Variants in CASZ1 observed in about 807,000 individuals in gnomAD.
CASZ1 encodes the protein castor zinc finger 1, also known as zinc finger protein castor homolog 1.
In CASZ1, 28 loss-of-function variants were observed where a neutral mutation model predicts 135.2. The ratio of observed to expected loss-of-function variants is 0.21; its 90% CI spans 0.15 to 0.28. The LOEUF is 0.28. Among genes scored for constraint, CASZ1 ranks in the 10% least tolerant of loss-of-function variants. The pLI is 1.00. For missense variants in CASZ1, 2,161 were observed against 2,453.3 expected (o/e 0.88, Z 2.52); for synonymous variants, 1,068 against 1,073.4 (o/e 0.99, Z 0.10).
chr1:10,722,264 C>G (rs963520922), intron 2 of CASZ1, among the ~76,000 whole-genome samples: 3 of 152,188 alleles, frequency 2.0e-5, no homozygotes, highest in Non-Finnish European at 4.4e-5. Context: ...GACGGGCACC[C>G]CATTCTCAAA....
Position 10,675,489 on chromosome 1 carries a change from G to C in CASZ1, c.17-9918C>G, listed in dbSNP as rs547469717. Among the ~76,000 whole-genome samples the C allele has an allele frequency of 8.5e-3, 1,291 of 152,252 alleles. 7 individuals carry two copies. The highest frequency in any genetic ancestry group is 0.014 in the Non-Finnish European group (918 of 67,998). ...AGGCCTGGGTGGGGAGGCTTCAAGAGGGGTGAGGCCAGTGCCCAGCTCAGC... is the reference window on the plus strand; with the variant it reads ...AGGCCTGGGTGGGGAGGCTTCAAGACGGGTGAGGCCAGTGCCCAGCTCAGC... On this transcript the variant is annotated intron_variant, in intron 4 of 20. Transcript: ENST00000377022.
chr1:10,688,812 C>T (rs941320008), intron 4 of CASZ1, among the ~76,000 whole-genome samples: 5 of 151,984 alleles, frequency 3.3e-5, no homozygotes, highest in African/African-American at 7.3e-5. Flanking sequence ...GTGGTCCCGG[C>T]GAGGCTGCCC....
At chr1:10,793,841 G>T (rs928304013) in intron 1 of CASZ1, among the ~76,000 whole-genome samples, 8 of 152,148 alleles carry the variant, frequency 5.3e-5, no homozygotes, top group African/African-American at 1.9e-4. Context: ...GAGCTCCCGC[G>T]AGGGGCACAC....
Position 10,647,949 on chromosome 1 carries a change from G to A in CASZ1, c.3349C>T (p.Leu1117Phe). 6.2e-7 allele frequency: 1 copy of A among 1,612,604 alleles called. No homozygotes were observed. The highest frequency in any genetic ancestry group is 8.5e-7 in the Non-Finnish European group (1 of 1,179,300). Residue 1117 changes from leucine (L) to phenylalanine (F), a missense_variant, in exon 16 of 21, where the codon CTC becomes TTC. Physicochemically the swap from Leu to Phe is conservative, Grantham distance 22. This residue lies in a region of CASZ1 where 349 missense variants were observed against 460.8 expected (regional missense o/e 0.76). Coordinates refer to ENST00000377022, the MANE Select transcript of CASZ1 (RefSeq NM_001079843.3). The surrounding 1 kb of genome is among the most constrained non-coding windows in gnomAD (Gnocchi z 4.9). ...GTGGAAGCCAGCTGCTTCCAGGCGA[G>A]CAGGGTGGGGGTGGAGGGCACGGAG... ...PASVPSTPTL[L>F]AWKQLASTIP...
intron 1 of CASZ1, among the ~76,000 whole-genome samples, chr1:10,783,036 G>C (rs1640789879): frequency 6.6e-6 from 1 of 152,166 alleles, no homozygotes; most frequent in African/African-American, 2.4e-5. Context: ...GGGGAAAGGA[G>C]CCGGCACAAT....
At position 10,665,567 on chromosome 1, in the gene CASZ1, C is replaced by A; in HGVS notation, c.21G>T (p.Glu7Asp). MDLGTAEGTRCTDPPAG... is the reference protein window; with the variant it reads MDLGTADGTRCTDPPAG... ...CAGGCGGGTCCGTGCACCGGGTGCC[C>A]TCAGCTGCAGGGATGGAGGAGAGCA... Residue 7 changes from glutamate (E) to aspartate (D), a missense_variant, in exon 5 of 21, where the codon GAG becomes GAT. Transcript: ENST00000377022. The A allele has an allele frequency of 6.4e-7, 1 of 1,558,000 alleles. No homozygotes were observed. The highest frequency in any genetic ancestry group is 8.6e-7 in the Non-Finnish European group (1 of 1,157,858).
intron 3 of CASZ1, among the ~76,000 whole-genome samples, chr1:10,703,262 C>T (rs984614860): frequency 1.3e-5 from 2 of 152,080 alleles, no homozygotes; most frequent in Non-Finnish European, 2.9e-5. Flanking sequence ...CCCACCTTGG[C>T]CCACAGCAGT....
chr1:10,694,699 C>G lies in CASZ1; in HGVS notation c.-23-787G>C, dbSNP rs866282002. ...GCTCGCTCGCGCCCCCGCCGCGCGC[C>G]CCCGCCGCGCGCGCCCGCGCCGCAC... On this transcript the variant is annotated intron_variant, in intron 3 of 20. Coordinates refer to ENST00000377022, the MANE Select transcript of CASZ1 (RefSeq NM_001079843.3). This position sits in a 1 kb window ranked among gnomAD's most constrained non-coding sequence, Gnocchi z 6.6. Among the ~76,000 whole-genome samples the G allele has an allele frequency of 4.2e-4, 59 of 140,644 alleles. No individual in the cohort carries two copies. The highest frequency in any genetic ancestry group is 6.1e-4 in the African/African-American group (24 of 39,202). 92.3% of individuals were successfully genotyped at this position (140,644 alleles called of 152,430 possible).
At position 10,650,794 on chromosome 1, in the gene CASZ1, C is replaced by T. The variant is rs767535083; in HGVS notation, c.2817-39G>A. ...ACCAAGGGACTTGAGCTCAGACGGC[C>T]GGGGCCTGGGCCCTGGGGCTCACCT... On this transcript the variant is annotated intron_variant, in intron 12 of 20. Transcript: ENST00000377022. The T allele has an allele frequency of 3.1e-5, 50 of 1,609,280 alleles. No homozygotes were observed. In the Admixed American group the frequency reaches 5.5e-4, roughly 18 times the overall value.
chr1:10,682,240 C>A (rs1398389367), intron 4 of CASZ1, among the ~76,000 whole-genome samples: 3 of 151,996 alleles, frequency 2.0e-5, no homozygotes, highest in African/African-American at 4.8e-5. Context: ...AGATCAGGAC[C>A]CAAAAACAGG....
At position 10,725,183 on chromosome 1, in the gene CASZ1, C is replaced by T. The variant is rs988572195; in HGVS notation, c.-76-19639G>A. ...TGGATACGGCGAGAACGTGTTAAGA[C>T]CAAGGAGTGACCATGTCACTGCCCA... On this transcript the variant is annotated intron_variant, in intron 2 of 20. Coordinates refer to ENST00000377022, the MANE Select transcript of CASZ1 (RefSeq NM_001079843.3). The surrounding 1 kb of genome is among the most constrained non-coding windows in gnomAD (Gnocchi z 4.4). Among the ~76,000 whole-genome samples, 2 of 152,162 alleles carry T rather than the reference C, an allele frequency of 1.3e-5. No homozygotes were observed. The highest frequency in any genetic ancestry group is 1.9e-4 in the East Asian group (1 of 5,182).
At chr1:10,668,213 C>T (rs968347527) in intron 4 of CASZ1, among the ~76,000 whole-genome samples, 8 of 152,158 alleles carry the variant, frequency 5.3e-5, no homozygotes, top group Non-Finnish European at 1.0e-4. Flanking sequence ...CGCCGCCTTC[C>T]GGCCCAGGGC....
At chr1:10,667,459 C>T (rs908712718) in intron 4 of CASZ1, among the ~76,000 whole-genome samples, 4 of 152,206 alleles carry the variant, frequency 2.6e-5, no homozygotes, top group African/African-American at 9.6e-5. Context: ...GTCTGTGCCA[C>T]CCACACCCAA....
chr1:10,792,217 C>A (rs1570597959), intron 1 of CASZ1, among the ~76,000 whole-genome samples: 1 of 132,244 alleles, frequency 7.6e-6, no homozygotes, highest in Admixed American at 7.6e-5. Flanking sequence ...GGGGTGGAGT[C>A]AGTTTTTTTT....
In CASZ1 at chr1:10,717,918, G is replaced by A. The variant is rs958114556; in HGVS notation, c.-76-12374C>T. The stretch of plus-strand genomic sequence containing the variant: ...GGTGGGCCTTTAAGGCTGTGCAGCC[G>A]CTGCGAGCACGCCTGGTCGCCTCAG... On this transcript the variant is annotated intron_variant, in intron 2 of 20. Coordinates refer to ENST00000377022, the MANE Select transcript of CASZ1 (RefSeq NM_001079843.3). The surrounding 1 kb of genome is among the most constrained non-coding windows in gnomAD (Gnocchi z 4.6). 1.3e-5 allele frequency among the ~76,000 whole-genome samples: 2 copies of A among 152,258 alleles called. No individual in the cohort carries two copies. The highest frequency in any genetic ancestry group is 2.1e-4 in the South Asian group (1 of 4,832).
intron 1 of CASZ1, among the ~76,000 whole-genome samples, chr1:10,778,983 A>G (rs984909640): frequency 6.6e-6 from 1 of 152,208 alleles, no homozygotes; most frequent in Non-Finnish European, 1.5e-5. Context: ...CTGGCCTGCA[A>G]ACAAAAGGCC....
Position 10,739,239 on chromosome 1 carries a change from G to A in CASZ1, c.-77+21462C>T, listed in dbSNP as rs1639866385. ...TGCAACCTGCAGCTGCGGGACGGGTGCATTCACGAGGGGGGTGTGTGCGCC... is the reference window on the plus strand; with the variant it reads ...TGCAACCTGCAGCTGCGGGACGGGTACATTCACGAGGGGGGTGTGTGCGCC... On this transcript the variant is annotated intron_variant, in intron 2 of 20. Coordinates refer to ENST00000377022, the MANE Select transcript of CASZ1 (RefSeq NM_001079843.3). This position sits in a 1 kb window ranked among gnomAD's most constrained non-coding sequence, Gnocchi z 4.8. 6.6e-6 allele frequency among the ~76,000 whole-genome samples: 1 copy of A among 152,130 alleles called. No individual in the cohort carries two copies. Among genetic ancestry groups the A allele is most frequent in the Non-Finnish European group, 1.5e-5 (1 of 68,004 alleles).
rs1018748331 is a variant in CASZ1, at chr1:10,643,289, G to A, written c.3891C>T (p.Asn1297=). The change falls in exon 19 of 21, where the codon AAC becomes AAT. Residue 1297 remains asparagine, a synonymous_variant. Coordinates refer to ENST00000377022, the MANE Select transcript of CASZ1 (RefSeq NM_001079843.3). The part of the protein sequence containing the change: ...GRLGCKYNQV[N]SHFHCIREGC... Reference sequence around the variant, plus strand: ...CCTCCCGGATGCAGTGGAAGTGGCTGTTCACCTGGTTGTACTTGCAACCTG... The same window carrying A: ...CCTCCCGGATGCAGTGGAAGTGGCTATTCACCTGGTTGTACTTGCAACCTG... 8.7e-6 allele frequency: 14 copies of A among 1,612,774 alleles called. No individual in the cohort carries two copies. In the African/African-American group the frequency reaches 1.2e-4, roughly 14 times the overall value.
intron 1 of CASZ1, among the ~76,000 whole-genome samples, chr1:10,792,075 C>T (rs950314233): frequency 1.3e-5 from 2 of 151,328 alleles, no homozygotes; most frequent in Non-Finnish European, 2.9e-5. Flanking sequence ...GTTCCTCTCG[C>T]CTCTGAGCTG....
Sources: gnomAD v4.1 joint callset for allele counts (sites outside exome capture counted in the v4.1 genomes callset) on GRCh38, gnomAD v4.1.1 for gene constraint, gnomAD v4.1.1 regional missense constraint, Gnocchi (gnomAD v3.1) non-coding constraint, MANE v1.5 for transcripts, NCBI Gene and HGNC (gene_info 2026-07-23, HGNC 2026-07-21) for gene names.